The following XXYLT1 variants were observed in gnomAD, a reference collection of about 807,000 sequenced individuals.
The protein encoded by XXYLT1 is xyloside xylosyltransferase 1, also known as UDP-xylose:alpha-xyloside alpha-1,3-xylosyltransferase.
Under a neutral mutation model 28.9 loss-of-function variants are expected in XXYLT1, and 20 were observed. The observed-to-expected ratio is 0.69, with a 90% CI of 0.49 to 1.00. XXYLT1 has a LOEUF of 1.00. Ranked by LOEUF, XXYLT1 falls within the 50% of genes least tolerant of loss-of-function variation. The probability of loss-of-function intolerance (pLI) is 0.00; values close to 1 mark genes in which losing one functional copy is unlikely to be tolerated. For missense variants in XXYLT1, 542 were observed against 560.1 expected, an observed-to-expected ratio of 0.97 and a Z score of 0.33; for synonymous variants, 257 against 253.8, an observed-to-expected ratio of 1.01 and a Z score of -0.12.
intron 1 of XXYLT1, among the ~76,000 whole-genome samples, chr3:195,244,439 C>A (rs1724916551): frequency 6.6e-6 from 1 of 152,188 alleles, no homozygotes; most frequent in South Asian, 2.1e-4. Flanking sequence ...GAGTCAGGGT[C>A]GGCAGTCAGG....
chr3:195,186,267 C>T (rs957501907), intron 2 of XXYLT1, among the ~76,000 whole-genome samples: 4 of 152,204 alleles, frequency 2.6e-5, no homozygotes, highest in Non-Finnish European at 4.4e-5. Flanking sequence ...CTTTCAGGTC[C>T]ATCCCACAGA....
At chr3:195,214,364 C>A (rs1400298892) in intron 2 of XXYLT1, among the ~76,000 whole-genome samples, 1 of 152,094 alleles carries the variant, frequency 6.6e-6, no homozygotes, top group African/African-American at 2.4e-5. Context: ...CTGCATCAGC[C>A]AACCAGGATA....
intron 2 of XXYLT1, among the ~76,000 whole-genome samples, chr3:195,190,587 G>A (rs569553737): frequency 6.7e-6 from 1 of 149,700 alleles, no homozygotes; most frequent in East Asian, 1.9e-4. Context: ...AGGAAGAAAC[G>A]AAGAGCACCA....
intron 1 of XXYLT1, among the ~76,000 whole-genome samples, chr3:195,237,831 T>G (rs1724618571): frequency 6.6e-6 from 1 of 152,154 alleles, no homozygotes; most frequent in South Asian, 2.1e-4. Context: ...TTGTTTTTAA[T>G]ACTTTTTTCC....
At chr3:195,187,163 G>A (rs1459807796) in intron 2 of XXYLT1, among the ~76,000 whole-genome samples, 4 of 151,154 alleles carry the variant, frequency 2.6e-5, no homozygotes, top group Admixed American at 6.6e-5. Context: ...ACTTGAACCC[G>A]GGAGACGGAG....
chr3:195,191,568 T>C (rs1363180054), intron 2 of XXYLT1, among the ~76,000 whole-genome samples: 1 of 151,760 alleles, frequency 6.6e-6, no homozygotes, highest in East Asian at 1.9e-4. Context: ...TTATGGGGGG[T>C]TGGCACCCCA....
At chr3:195,247,665 C>T in intron 1 of XXYLT1, 1 of 587,200 alleles carries the variant, frequency 1.7e-6, no homozygotes, top group Admixed American at 2.5e-5. Context: ...CTCGAACCCT[C>T]CGACCCCAGG....
At chr3:195,213,900 A>AGAGAAGGCTG (rs1057035656) in intron 2 of XXYLT1, among the ~76,000 whole-genome samples, 1 of 152,176 alleles carries the variant, frequency 6.6e-6, no homozygotes, top group African/African-American at 2.4e-5. Flanking sequence ...GCAGGTTTTC[A>AGAGAAGGCTG]CTCACGATCT....
intron 3 of XXYLT1, among the ~76,000 whole-genome samples, chr3:195,130,447 T>G (rs1718846923): frequency 6.6e-6 from 1 of 152,256 alleles, no homozygotes; most frequent in Non-Finnish European, 1.5e-5. Flanking sequence ...AACCTTTAGC[T>G]GTGGAGACAC....
chr3:195,191,925 A>G (rs943251186), intron 2 of XXYLT1, among the ~76,000 whole-genome samples: 1 of 152,248 alleles, frequency 6.6e-6, no homozygotes, highest in East Asian at 1.9e-4. Flanking sequence ...AGATTTCAAT[A>G]CCCTACTCTT....
At chr3:195,121,190 C>T (rs377167419) in intron 3 of XXYLT1, among the ~76,000 whole-genome samples, 7 of 152,228 alleles carry the variant, frequency 4.6e-5, no homozygotes, top group South Asian at 4.1e-4. Flanking sequence ...GCCGCCCAGC[C>T]ATTGAGAGGT....
intron 1 of XXYLT1, among the ~76,000 whole-genome samples, chr3:195,235,403 T>C (rs1394845989): frequency 6.6e-6 from 1 of 152,252 alleles, no homozygotes; most frequent in East Asian, 1.9e-4. Flanking sequence ...TCTGATAGGA[T>C]TCTGAATTCC....
chr3:195,127,227 A>G (rs1718684879), intron 3 of XXYLT1, among the ~76,000 whole-genome samples: 1 of 152,164 alleles, frequency 6.6e-6, no homozygotes, highest in Non-Finnish European at 1.5e-5. Flanking sequence ...AGGGAGACAC[A>G]GCAAAACTGG....
At chr3:195,121,987 A>G (rs1416743893) in intron 3 of XXYLT1, 1 of 701,530 alleles carries the variant, frequency 1.4e-6, no homozygotes, top group Non-Finnish European at 2.6e-6. Context: ...AAAGTACCAC[A>G]GACTGGGTGC....
chr3:195,136,257 C>T (rs1268573351), intron 3 of XXYLT1, among the ~76,000 whole-genome samples: 2 of 152,128 alleles, frequency 1.3e-5, no homozygotes, highest in Non-Finnish European at 2.9e-5. Context: ...AACGTAGGAC[C>T]CTCAGTGCTC....
intron 1 of XXYLT1, among the ~76,000 whole-genome samples, chr3:195,252,692 C>CACACACACA: frequency 1.2e-5 from 1 of 84,210 alleles, no homozygotes; most frequent in East Asian, 4.5e-4. Flanking sequence ...AGAAAAAAAA[C>CACACACACA]CACACACACA....
intron 2 of XXYLT1, among the ~76,000 whole-genome samples, chr3:195,169,837 A>ATG (rs1368856092): frequency 1.3e-5 from 2 of 149,824 alleles, no homozygotes; most frequent in Admixed American, 6.7e-5. Flanking sequence ...ATGTATATTA[A>ATG]TGTGTGTGTG....
At chr3:195,263,607 C>T (rs1019476043) in intron 1 of XXYLT1, among the ~76,000 whole-genome samples, 2 of 152,152 alleles carry the variant, frequency 1.3e-5, no homozygotes, top group Admixed American at 6.5e-5. Flanking sequence ...TTGGACTTCC[C>T]GGCCTCCAAA....
chr3:195,135,747 A>T (rs1476552129), intron 3 of XXYLT1, among the ~76,000 whole-genome samples: 1 of 152,224 alleles, frequency 6.6e-6, no homozygotes, highest in Non-Finnish European at 1.5e-5. Context: ...ACTGTGGGAA[A>T]GAGATTTTCT....
Sources: gnomAD v4.1 joint callset for allele counts (sites outside exome capture counted in the v4.1 genomes callset) on GRCh38, gnomAD v4.1.1 for gene constraint, MANE v1.5 for transcripts, NCBI Gene and HGNC (gene_info 2026-07-23, HGNC 2026-07-21) for gene names.